The following GOSR1 variants were observed in gnomAD, a reference collection of about 807,000 sequenced individuals.
GOSR1 encodes the protein 28 kDa Golgi SNARE protein.
Under a neutral mutation model 35.5 loss-of-function variants are expected in GOSR1, and 21 were observed. That is an observed-to-expected ratio of 0.59 (90% CI 0.42 to 0.85). The LOEUF is 0.85. Ranked by LOEUF, GOSR1 falls within the 40% of genes least tolerant of loss-of-function variation. GOSR1 has a pLI of 0.00. For synonymous variants in GOSR1, 94 were observed against 106.6 expected (o/e 0.88, Z 0.73); for missense variants, 285 against 309.6 (o/e 0.92, Z 0.60).
chr17:30,484,766 T>G lies in GOSR1; in HGVS notation c.338T>G (p.Leu113Trp). The G allele has an allele frequency of 3.9e-6, 6 of 1,523,942 alleles. No individual in the cohort carries two copies. Among genetic ancestry groups the G allele is most frequent in the Non-Finnish European group, 5.5e-6 (6 of 1,097,760 alleles). 94.4% of individuals were successfully genotyped at this position (1,523,942 alleles called of 1,614,324 possible). Reference protein sequence around the residue: ...MHTLQRHRDILQDYTHEFHKT... With the variant: ...MHTLQRHRDIWQDYTHEFHKT... ...ACATTACAGCGGCATAGAGACATAT[T>G]GCAGGTAATATATTGGGCTCGAGAT... The change falls in exon 4 of 9, where the codon TTG becomes TGG. Residue 113 changes from leucine to tryptophan, a missense_variant. Transcript: ENST00000451249.
intron 6 of GOSR1, among the ~76,000 whole-genome samples, chr17:30,501,515 G>A (rs1449367865): frequency 8.0e-5 from 12 of 149,180 alleles, no homozygotes; most frequent in Non-Finnish European, 1.5e-4. Flanking sequence ...TTTTTTTTCC[G>A]AGACAGAGTC....
chr17:30,519,008 T>C (rs1967924088), intron 7 of GOSR1, among the ~76,000 whole-genome samples: 1 of 145,536 alleles, frequency 6.9e-6, no homozygotes, highest in South Asian at 2.3e-4. Context: ...GACATCAAGG[T>C]AGTCACAGGG....
At chr17:30,517,759 T>A (rs1295216572) in intron 7 of GOSR1, among the ~76,000 whole-genome samples, 1 of 152,232 alleles carries the variant, frequency 6.6e-6, no homozygotes, top group East Asian at 1.9e-4. Context: ...TGTATATACC[T>A]CCTTACACAC....
chr17:30,524,595 A>G lies in GOSR1; in HGVS notation c.*2217A>G, dbSNP rs1034382504. The stretch of plus-strand genomic sequence containing the variant: ...TTCTACTGAAAAGAAATGAAATCTC[A>G]GTTCCACTATGATAAAAGAAACGAA... On this transcript the variant is annotated 3_prime_UTR_variant, in exon 9 of 9. Coordinates refer to ENST00000451249, the MANE Select transcript of GOSR1 (RefSeq NM_001007025.2). 1.3e-5 allele frequency: 2 copies of G among 152,078 alleles called. No individual in the cohort carries two copies. The highest frequency in any genetic ancestry group is 4.8e-5 in the African/African-American group (2 of 41,402). The allele number at this position is 152,078 out of a possible 1,614,324, so 9.4% of individuals were successfully genotyped here. A position where few individuals can be genotyped will look rare whatever the true frequency, so the allele number is the denominator to read the frequency against.
Position 30,522,446 on chromosome 17 carries a change from G to T in GOSR1, c.*68G>T. ...CCTGGTCTGGAATAAGGAAACATCG[G>T]AGGGAGAAGTTGACTGTCTTGATAA... is the stretch of plus-strand genomic sequence containing the variant. On this transcript the variant is annotated 3_prime_UTR_variant, in exon 9 of 9. Transcript: ENST00000451249. 7.5e-7 allele frequency: 1 copy of T among 1,331,182 alleles called. No homozygotes were observed. Among genetic ancestry groups the T allele is most frequent in the Middle Eastern group, 2.4e-4 (1 of 4,180 alleles). 82.5% of individuals were successfully genotyped at this position (1,331,182 alleles called of 1,614,324 possible).
chr17:30,487,822 T>C (rs1914773802), intron 4 of GOSR1, among the ~76,000 whole-genome samples: 1 of 152,080 alleles, frequency 6.6e-6, no homozygotes. Flanking sequence ...GGCTGGAGTA[T>C]TGGAGTGCAA....
chr17:30,519,308 C>T (rs1435547933), intron 7 of GOSR1, among the ~76,000 whole-genome samples: 1 of 152,174 alleles, frequency 6.6e-6, no homozygotes, highest in African/African-American at 2.4e-5. Flanking sequence ...CCACCTCGGT[C>T]TTCCAAATTC....
rs992017289 is a variant in GOSR1, at chr17:30,501,671, T to G, written c.509+8918T>G. 4.6e-5 allele frequency among the ~76,000 whole-genome samples: 7 copies of G among 152,184 alleles called. No individual in the cohort carries two copies. The East Asian group carries it at 1.2e-3, about 25-fold the overall frequency. On this transcript the variant is annotated intron_variant, in intron 6 of 8. Transcript: ENST00000451249. ...CCACCACACCCGGCTAATTTTTGTA[T>G]TTTTAGTAGAGATGGGGTTTCACCA...
chr17:30,480,208 G>A (rs1914244077), intron 1 of GOSR1: 1 of 151,826 alleles, frequency 6.6e-6, no homozygotes, highest in South Asian at 2.1e-4. Context: ...TTGGGAGGTA[G>A]TTGAGGCATG....
chr17:30,496,968 TA>T (rs1414812050), intron 6 of GOSR1, among the ~76,000 whole-genome samples: 1 of 152,236 alleles, frequency 6.6e-6, no homozygotes, highest in Non-Finnish European at 1.5e-5. Context: ...CACATCAGCT[TA>T]AAAATCCTTG....
In GOSR1 at chr17:30,492,745, C is replaced by T. The variant is rs766189234; in HGVS notation, c.501C>T (p.His167=). 1 of 1,582,832 alleles carries T rather than the reference C, an allele frequency of 6.3e-7. No homozygotes were observed. Among genetic ancestry groups the T allele is most frequent in the Non-Finnish European group, 8.7e-7 (1 of 1,151,688 alleles). ...RTELFLKEHD[H]LRNSDRLIEE... The stretch of plus-strand genomic sequence containing the variant: ...AGCTATTTTTGAAAGAACATGACCA[C>T]CTTCGAAAGTAGGTATTGAATGTAT... Residue 167 remains histidine (H), a synonymous_variant, in exon 6 of 9, where the codon CAC becomes CAT. Coordinates refer to ENST00000451249, the MANE Select transcript of GOSR1 (RefSeq NM_001007025.2).
At chr17:30,520,915 G>A (rs1465893434) in intron 8 of GOSR1, among the ~76,000 whole-genome samples, 1 of 152,188 alleles carries the variant, frequency 6.6e-6, no homozygotes, top group Non-Finnish European at 1.5e-5. Flanking sequence ...AAAATTTACA[G>A]AGTGCTGTTA....
In GOSR1 at chr17:30,526,811, A is replaced by G. The variant is rs1380456892; in HGVS notation, c.*4433A>G. On this transcript the variant is annotated 3_prime_UTR_variant, in exon 9 of 9. Coordinates refer to ENST00000451249, the MANE Select transcript of GOSR1 (RefSeq NM_001007025.2). ...ATTTAATAATAAATTAGAAATCTAA[A>G]TGATTGCATTTGTAATTGTTTATAT... is the stretch of plus-strand genomic sequence containing the variant. 6.6e-6 allele frequency: 1 copy of G among 152,618 alleles called. No individual in the cohort carries two copies. Among genetic ancestry groups the G allele is most frequent in the Non-Finnish European group, 1.5e-5 (1 of 68,036 alleles). The allele number at this position is 152,618 out of a possible 1,614,324, so 9.5% of individuals were successfully genotyped here. A position where few individuals can be genotyped will look rare whatever the true frequency, so the allele number is the denominator to read the frequency against.
At position 30,504,409 on chromosome 17, in the gene GOSR1, T is replaced by C. The variant is rs186462572; in HGVS notation, c.510-6471T>C. The stretch of plus-strand genomic sequence containing the variant: ...CAGTATTGCTGTAAAATTACTGTAA[T>C]TTGAGGATAGTTGTCAATCTCAAAT... On this transcript the variant is annotated intron_variant, in intron 6 of 8. Transcript: ENST00000451249. 1.2e-3 allele frequency among the ~76,000 whole-genome samples: 177 copies of C among 152,146 alleles called. 1 individual carries two copies. Among genetic ancestry groups the C allele is most frequent in the Middle Eastern group, 6.8e-3 (2 of 294 alleles).
intron 6 of GOSR1, among the ~76,000 whole-genome samples, chr17:30,504,387 T>C (rs1300778007): frequency 6.6e-6 from 1 of 152,116 alleles, no homozygotes; most frequent in Non-Finnish European, 1.5e-5. Context: ...GTAGTTCCAG[T>C]ATTGCTGTAA....
chr17:30,506,194 C>A (rs774480035), intron 6 of GOSR1, among the ~76,000 whole-genome samples: 2 of 152,156 alleles, frequency 1.3e-5, no homozygotes, highest in Non-Finnish European at 2.9e-5. Context: ...ACAACTCTTT[C>A]AATCAGAAGG....
At chr17:30,502,697 C>G (rs1368461765) in intron 6 of GOSR1, among the ~76,000 whole-genome samples, 1 of 152,214 alleles carries the variant, frequency 6.6e-6, no homozygotes, top group Non-Finnish European at 1.5e-5. Context: ...TCTACCCAGA[C>G]TGAAAGGAAT....
intron 7 of GOSR1, among the ~76,000 whole-genome samples, chr17:30,514,214 A>G (rs770946477): frequency 6.6e-6 from 1 of 152,220 alleles, no homozygotes; most frequent in East Asian, 1.9e-4. Context: ...TGTGGTTGAC[A>G]TCGCTCCCTC....
At chr17:30,486,396 TATCC>T (rs1432470629) in intron 4 of GOSR1, among the ~76,000 whole-genome samples, 1 of 151,372 alleles carries the variant, frequency 6.6e-6, no homozygotes, top group Non-Finnish European at 1.5e-5. Flanking sequence ...GGGTGCCTGT[TATCC>T]CAGCTACTTG....
Sources: allele counts gnomAD v4.1 joint callset (sites outside exome capture counted in the v4.1 genomes callset), GRCh38; gene constraint gnomAD v4.1.1; transcripts MANE v1.5; gene names NCBI Gene and HGNC (gene_info 2026-07-23, HGNC 2026-07-21).